SIK3: variants seen among roughly 807,000 people sequenced by gnomAD.
The protein encoded by SIK3 is serine/threonine-protein kinase SIK3.
In SIK3, 28 loss-of-function variants were observed where a neutral mutation model predicts 144.2. The ratio of observed to expected loss-of-function variants is 0.19; its 90% confidence interval spans 0.14 to 0.27. The LOEUF (loss-of-function observed/expected upper bound fraction) is 0.27. Ranked by LOEUF, SIK3 falls within the 10% of genes least tolerant of loss-of-function variation. SIK3 has a pLI of 1.00. For missense variants in SIK3, 1,319 were observed against 1,776.0 expected (o/e 0.74, Z 4.62); for synonymous variants, 686 against 676.3 (o/e 1.01, Z -0.22).
chr11:117,031,687 ATTTTTTTTT>A (rs57524562), intron 1 of SIK3, among the ~76,000 whole-genome samples: 95 of 81,538 alleles, frequency 1.2e-3, no homozygotes, highest in African/African-American at 5.1e-3. Context: ...CACCCGGCTA[ATTTTTTTTT>A]TTTTTTTTTT....
At chr11:116,918,516 CA>C (rs753010372) in intron 4 of SIK3, among the ~76,000 whole-genome samples, 1 of 152,046 alleles carries the variant, frequency 6.6e-6, no homozygotes, top group African/African-American at 2.4e-5. Context: ...AAGTGACGTG[CA>C]ATTAATAGAT....
chr11:116,891,765 T>C (rs1482421810), intron 6 of SIK3, among the ~76,000 whole-genome samples: 4 of 152,156 alleles, frequency 2.6e-5, no homozygotes, highest in Non-Finnish European at 4.4e-5. Flanking sequence ...TGTAGCAAAG[T>C]TGACAATAGA....
In SIK3 at chr11:116,892,484, C is replaced by G. The variant is rs139027516; in HGVS notation, c.865+3769G>C. The stretch of plus-strand genomic sequence containing the variant: ...AGAAAAGATGCTCATCCTCATACAT[C>G]ATTAGAGAATTAAAAATTAAAACAA... On this transcript the variant is annotated intron_variant, in intron 6 of 24. Transcript: ENST00000445177. Among the ~76,000 whole-genome samples, 3 of 152,134 alleles carry G rather than the reference C, an allele frequency of 2.0e-5. No individual in the cohort carries two copies. In the East Asian group the frequency reaches 5.8e-4, roughly 29 times the overall value.
chr11:116,868,125 G>C (rs1044807946), intron 14 of SIK3, 36 bp from the exon 15 acceptor site: 25 of 1,550,242 alleles, frequency 1.6e-5, no homozygotes, highest in Middle Eastern at 1.7e-4. Flanking sequence ...TAGTAAAAAA[G>C]ACAGACAGGA....
At chr11:116,857,401 T>C (rs1437184219) in intron 21 of SIK3, 1 of 196,252 alleles carries the variant, frequency 5.1e-6, no homozygotes. Context: ...AGTTATCGTA[T>C]TTATGATAGC....
At position 116,899,422 on chromosome 11, in the gene SIK3, T is replaced by C. The variant is rs553763231; in HGVS notation, c.617-2105A>G. Among the ~76,000 whole-genome samples the C allele has an allele frequency of 2.6e-5, 4 of 152,316 alleles. No homozygotes were observed. In the South Asian group the frequency reaches 8.3e-4, roughly 32 times the overall value. ...AGGTAGTGTGATGCCTCCAGCTTTG[T>C]TCTTTTGGCTTGGACCCAGAATTTT... On this transcript the variant is annotated intron_variant, in intron 4 of 24. Transcript: ENST00000445177.
At chr11:116,982,662 A>T (rs965883204) in intron 1 of SIK3, among the ~76,000 whole-genome samples, 8 of 152,002 alleles carry the variant, frequency 5.3e-5, no homozygotes, top group Non-Finnish European at 1.2e-4. Context: ...TACCTTTCCT[A>T]GCCTCATTTA....
At chr11:116,977,245 TC>T (rs1949979275) in intron 1 of SIK3, among the ~76,000 whole-genome samples, 3 of 77,076 alleles carry the variant, frequency 3.9e-5, no homozygotes, top group South Asian at 5.7e-4. Context: ...CCTCCCTCCC[TC>T]CCTTCCTTCC....
intron 6 of SIK3, among the ~76,000 whole-genome samples, chr11:116,881,865 AACCCAAT>A (rs1376389277): frequency 6.6e-6 from 1 of 152,210 alleles, no homozygotes; most frequent in Non-Finnish European, 1.5e-5. Context: ...TTCACAAACC[AACCCAAT>A]ACTATTATCT....
chr11:117,095,318 A>G (rs73576680), intron 1 of SIK3, among the ~76,000 whole-genome samples: 2,288 of 152,158 alleles, frequency 0.015, 67 homozygotes, highest in African/African-American at 0.052. Flanking sequence ...TGACTGTTAT[A>G]TATGGTTATA....
At chr11:117,007,696 T>C (rs775527988) in intron 1 of SIK3, among the ~76,000 whole-genome samples, 3 of 152,212 alleles carry the variant, frequency 2.0e-5, no homozygotes, top group Non-Finnish European at 2.9e-5. Flanking sequence ...TAGATTTAGA[T>C]AATTTTTTTC....
intron 1 of SIK3, among the ~76,000 whole-genome samples, chr11:117,010,257 C>T (rs1444821122): frequency 3.3e-5 from 5 of 152,176 alleles, no homozygotes; most frequent in Non-Finnish European, 5.9e-5. Context: ...CCCATTCTCC[C>T]ATTCCAAATA....
At chr11:117,071,135 C>T (rs551340397) in intron 1 of SIK3, among the ~76,000 whole-genome samples, 1 of 151,838 alleles carries the variant, frequency 6.6e-6, no homozygotes, top group African/African-American at 2.4e-5. Flanking sequence ...CTACTAGTAA[C>T]TTCAACATTC....
chr11:116,990,411 T>C (rs1164404190), intron 1 of SIK3, among the ~76,000 whole-genome samples: 1 of 152,100 alleles, frequency 6.6e-6, no homozygotes, highest in Admixed American at 6.5e-5. Context: ...GGGCCAAAGG[T>C]CAGGAGGCTT....
At chr11:117,039,282 ATTT>A (rs1041983868) in intron 1 of SIK3, among the ~76,000 whole-genome samples, 3 of 152,134 alleles carry the variant, frequency 2.0e-5, no homozygotes, top group Non-Finnish European at 4.4e-5. Flanking sequence ...GAAAAAATAT[ATTT>A]TTTTAATTGT....
chr11:117,025,722 A>C (rs1313546742), intron 1 of SIK3, among the ~76,000 whole-genome samples: 2 of 152,262 alleles, frequency 1.3e-5, no homozygotes, highest in East Asian at 3.9e-4. Flanking sequence ...GTGATCCACC[A>C]CACCCAGCCT....
intron 1 of SIK3, among the ~76,000 whole-genome samples, chr11:116,969,394 A>G (rs1949689396): frequency 1.3e-5 from 2 of 151,810 alleles, no homozygotes; most frequent in South Asian, 4.1e-4. Flanking sequence ...AAGGAATGAG[A>G]TTTATGAGAT....
intron 1 of SIK3, among the ~76,000 whole-genome samples, chr11:117,015,368 G>T (rs1951474045): frequency 6.6e-6 from 1 of 152,032 alleles, no homozygotes; most frequent in African/African-American, 2.4e-5. Context: ...CACCTATACT[G>T]CTGGTGAGTA....
At chr11:117,055,675 C>T (rs1953483832) in intron 1 of SIK3, among the ~76,000 whole-genome samples, 1 of 152,240 alleles carries the variant, frequency 6.6e-6, no homozygotes, top group South Asian at 2.1e-4. Context: ...AAGGACTTGG[C>T]TAGGGCCACA....
Sources: gnomAD v4.1 joint callset for allele counts (sites outside exome capture counted in the v4.1 genomes callset) on GRCh38, gnomAD v4.1.1 for gene constraint, MANE v1.5 for transcripts, NCBI Gene and HGNC (gene_info 2026-07-23, HGNC 2026-07-21) for gene names.